Variants in HPS5 observed in about 807,000 individuals in gnomAD.
HPS5 encodes HPS5 biogenesis of lysosomal organelles complex 2 subunit 2.
HPS5 carries 83 observed loss-of-function variants against 128.0 expected under a neutral mutation model. That is an observed-to-expected ratio of 0.65 (90% confidence interval 0.54 to 0.78). The LOEUF is 0.78. HPS5 is among the 30% of genes least tolerant of loss of function. The pLI is 0.00. For missense variants in HPS5, 1,281 were observed against 1,326.2 expected (o/e 0.97, Z 0.53); for synonymous variants, 475 against 470.2 (o/e 1.01, Z -0.13).
chr11:18,289,024 G>A (rs912026542), intron 16 of HPS5, among the ~76,000 whole-genome samples: 7 of 151,978 alleles, frequency 4.6e-5, no homozygotes, highest in Admixed American at 2.0e-4. Context: ...ACGGGGTCTT[G>A]CTACGTTGCC....
chr11:18,285,458 G>T lies in HPS5; in HGVS notation c.2839C>A (p.Pro947Thr). ...STMDDEGYPR[P>T]HSHLLSWGYS... is the part of the protein sequence containing the mutation. ...CCCCAGGAAAGCAAGTGTGAATGAG[G>T]CCTATGAAATGAAAAGGAATCAGTA... The change falls in exon 20 of 23, where the codon CCT (proline) becomes ACT (threonine). Residue 947 changes from proline (P) to threonine (T), a missense_variant and splice_region_variant. Coordinates refer to ENST00000349215, the MANE Select transcript of HPS5 (RefSeq NM_181507.2). 5.0e-6 allele frequency: 8 copies of T among 1,592,822 alleles called. No homozygotes were observed. Among genetic ancestry groups the T allele is most frequent in the Non-Finnish European group, 6.9e-6 (8 of 1,160,884 alleles).
chr11:18,292,816 A>G (rs551194510), intron 15 of HPS5, 83 bp downstream of exon 15: 1 of 1,010,296 alleles, frequency 9.9e-7, no homozygotes, highest in East Asian at 2.4e-5. Flanking sequence ...TACAAGGCCC[A>G]TAAAAAACTT....
At chr11:18,288,974 C>T (rs1262871614) in intron 16 of HPS5, among the ~76,000 whole-genome samples, 1 of 151,596 alleles carries the variant, frequency 6.6e-6, no homozygotes, top group Non-Finnish European at 1.5e-5. Context: ...GGTCTTGCTA[C>T]ATTGCATAGG....
intron 2 of HPS5, among the ~76,000 whole-genome samples, chr11:18,313,218 G>C (rs1278802394): frequency 6.6e-6 from 1 of 151,018 alleles, no homozygotes; most frequent in Non-Finnish European, 1.5e-5. Context: ...CATACTTATT[G>C]AGGGAAAAAA....
intron 1 of HPS5, among the ~76,000 whole-genome samples, chr11:18,318,800 T>C (rs1863943753): frequency 6.6e-6 from 1 of 152,196 alleles, no homozygotes; most frequent in African/African-American, 2.4e-5. Context: ...CGTTTTTGAC[T>C]TTTTTTCCAG....
intron 6 of HPS5, among the ~76,000 whole-genome samples, 166 bp from the exon 7 acceptor site, chr11:18,306,513 G>A (rs537129704): frequency 2.6e-5 from 4 of 152,200 alleles, no homozygotes; most frequent in African/African-American, 9.6e-5. Flanking sequence ...ATCAAAATAG[G>A]ATTCTGGCTC....
intron 9 of HPS5, among the ~76,000 whole-genome samples, chr11:18,299,801 C>T (rs1861486746): frequency 6.6e-6 from 1 of 152,142 alleles, no homozygotes; most frequent in South Asian, 2.1e-4. Context: ...TCAGCAGTTA[C>T]TAATGAAAAC....
At chr11:18,303,818 C>A (rs1250400855) in intron 8 of HPS5, among the ~76,000 whole-genome samples, 1 of 150,088 alleles carries the variant, frequency 6.7e-6, no homozygotes, top group Non-Finnish European at 1.5e-5. Context: ...CGCACCACTG[C>A]ACTCCAATGT....
At chr11:18,314,471 G>C (rs1179629370) in intron 2 of HPS5, 1 of 152,266 alleles carries the variant, frequency 6.6e-6, no homozygotes, top group African/African-American at 2.4e-5. Context: ...AGAGTTTGCA[G>C]AGAGCTGAGA....
Position 18,306,035 on chromosome 11 carries a change from TATA to T in HPS5, c.824+97_824+99del, listed in dbSNP as rs1862321432. 42 of 922,258 alleles carry T rather than the reference TATA, an allele frequency of 4.6e-5. No homozygotes were observed. The East Asian group carries it at 1.0e-3, about 23-fold the overall frequency. The allele number at this position is 922,258 out of a possible 1,614,324, so 57.1% of individuals were successfully genotyped here. ...GCGTGTGCCAACACGCCCAGCCAGG[TATA>T]ATAAAATCTTTAACACAGATAGAAT... is the stretch of plus-strand genomic sequence containing the variant. On this transcript the variant is annotated intron_variant, in intron 7 of 22. Coordinates refer to ENST00000349215, the MANE Select transcript of HPS5 (RefSeq NM_181507.2).
At chr11:18,282,242 T>C in intron 21 of HPS5, 22 bp from the exon 22 acceptor site, 2 of 1,613,608 alleles carry the variant, frequency 1.2e-6, no homozygotes, top group Non-Finnish European at 1.7e-6. Context: ...CAGGGAAGTG[T>C]CAGTTTGACC....
intron 8 of HPS5, among the ~76,000 whole-genome samples, chr11:18,303,343 A>G (rs1375917886): frequency 2.0e-5 from 3 of 152,320 alleles, no homozygotes; most frequent in Non-Finnish European, 4.4e-5. Context: ...GGCAATGATA[A>G]AGGAATGAAT....
chr11:18,296,724 G>T, intron 12 of HPS5, 74 bp downstream of exon 12: 1 of 1,335,360 alleles, frequency 7.5e-7, no homozygotes, highest in Non-Finnish European at 1.1e-6. Context: ...CCGTGCACAA[G>T]ATAATCCTGG....
chr11:18,311,675 TA>T, intron 3 of HPS5: 1 of 560,770 alleles, frequency 1.8e-6, no homozygotes, highest in Non-Finnish European at 3.2e-6. Flanking sequence ...CACGCCCAGC[TA>T]ATTTTTGTGT....
At position 18,282,236 on chromosome 11, in the gene HPS5, G is replaced by A. The variant is rs1209546355; in HGVS notation, c.3059-16C>T. The A allele has an allele frequency of 3.1e-6, 5 of 1,613,706 alleles. No individual in the cohort carries two copies. The Admixed American group carries it at 8.3e-5, about 27-fold the overall frequency. ...GGGATCCAACCTAAACACACACAGG[G>A]AAGTGTCAGTTTGACCACTCTTAGC... On this transcript the variant is annotated splice_polypyrimidine_tract_variant and intron_variant, in intron 21 of 22. Coordinates refer to ENST00000349215, the MANE Select transcript of HPS5 (RefSeq NM_181507.2).
chr11:18,287,505 G>A lies in HPS5; in HGVS notation c.2717+30C>T, dbSNP rs765365574. 6.2e-6 allele frequency: 10 copies of A among 1,612,416 alleles called. No homozygotes were observed. The South Asian group carries it at 9.9e-5, about 16-fold the overall frequency. Reference sequence around the variant, plus strand: ...GAAACAATGCCCTGTCAAAAGAAAGGAGAGTCTGCAAATATGCTCTCCTTC... The same window carrying A: ...GAAACAATGCCCTGTCAAAAGAAAGAAGAGTCTGCAAATATGCTCTCCTTC... On this transcript the variant is annotated intron_variant, in intron 18 of 22. Coordinates refer to ENST00000349215, the MANE Select transcript of HPS5 (RefSeq NM_181507.2).
At chr11:18,311,151 C>T (rs1590133679) in intron 4 of HPS5, among the ~76,000 whole-genome samples, 1 of 152,294 alleles carries the variant, frequency 6.6e-6, no homozygotes, top group East Asian at 1.9e-4. Flanking sequence ...TTCCCTTTAT[C>T]TTTTAAGGCC....
intron 14 of HPS5, among the ~76,000 whole-genome samples, chr11:18,293,549 C>A (rs184033332): frequency 6.6e-6 from 1 of 152,010 alleles, no homozygotes; most frequent in Non-Finnish European, 1.5e-5. Context: ...TGGTCCTTGG[C>A]CTCAAGGTGA....
chr11:18,305,273 G>C (rs1313354041), intron 8 of HPS5, 149 bp downstream of exon 8: 3 of 629,500 alleles, frequency 4.8e-6, no homozygotes, highest in Non-Finnish European at 8.5e-6. Context: ...TTTAGATACA[G>C]AACACTTCAT....
Sources: allele counts gnomAD v4.1 joint callset (sites outside exome capture counted in the v4.1 genomes callset), GRCh38; gene constraint gnomAD v4.1.1; transcripts MANE v1.5; gene names NCBI Gene and HGNC (gene_info 2026-07-23, HGNC 2026-07-21).